The following TBX4 variants were observed in gnomAD, a reference collection of about 807,000 sequenced individuals.
TBX4 encodes the protein T-box transcription factor 4, also known as T-box transcription factor TBX4.
Under a neutral mutation model 54.6 loss-of-function variants are expected in TBX4, and 13 were observed. The ratio of observed to expected loss-of-function variants is 0.24; its 90% CI spans 0.15 to 0.38. The LOEUF is 0.38. Ranked by LOEUF, TBX4 falls within the 10% of genes least tolerant of loss-of-function variation. The probability of loss-of-function intolerance (pLI) is 1.00; values close to 1 mark genes in which losing one functional copy is unlikely to be tolerated. For missense variants in TBX4, 631 were observed against 728.5 expected (o/e 0.87, Z 1.54); for synonymous variants, 314 against 306.7 (o/e 1.02, Z -0.25).
intron 5 of TBX4, among the ~76,000 whole-genome samples, chr17:61,468,754 G>C (rs1448405475): frequency 6.6e-6 from 1 of 152,230 alleles, no homozygotes; most frequent in African/African-American, 2.4e-5. Flanking sequence ...GAGTCCCTTT[G>C]CTGGGTTTCC....
chr17:61,456,313 G>A (rs1178961513), intron 1 of TBX4, 175 bp from the exon 2 acceptor site: 2 of 775,404 alleles, frequency 2.6e-6, no homozygotes, highest in Admixed American at 2.1e-5. Flanking sequence ...GGGAGGAGGC[G>A]AGGGACCTGC....
rs541129694 is a variant in TBX4 at position 61,455,522 on chromosome 17, G to C, written c.-3-966G>C. ...TCCCGAGGCCCCAGGACCTGCTTCG[G>C]GCAGGGAGCAGGCACCTGAGTAGGC... On this transcript the variant is annotated intron_variant, in intron 1 of 8. Transcript: ENST00000644296. Among the ~76,000 whole-genome samples the C allele has an allele frequency of 3.9e-5, 6 of 152,358 alleles. No individual in the cohort carries two copies. The South Asian group carries it at 1.0e-3, about 26-fold the overall frequency.
intron 4 of TBX4, among the ~76,000 whole-genome samples, chr17:61,466,183 G>A (rs903265707): frequency 6.6e-5 from 10 of 152,186 alleles, no homozygotes; most frequent in Non-Finnish European, 1.2e-4. Context: ...TTGGTGGATC[G>A]CAAGGGTCTG....
At chr17:61,469,668 C>A (rs139365620) in intron 5 of TBX4, among the ~76,000 whole-genome samples, 1 of 152,186 alleles carries the variant, frequency 6.6e-6, no homozygotes, top group African/African-American at 2.4e-5. Flanking sequence ...CCAGGGCTCT[C>A]GCTGCGGTAT....
chr17:61,482,497 A>C (rs143363362), intron 8 of TBX4, among the ~76,000 whole-genome samples: 96 of 152,380 alleles, frequency 6.3e-4, no homozygotes, highest in Middle Eastern at 3.4e-3. Context: ...CTTCAGACAG[A>C]TGTGGCCTCT....
chr17:61,468,962 G>A (rs2060556135), intron 5 of TBX4, among the ~76,000 whole-genome samples: 1 of 152,166 alleles, frequency 6.6e-6, no homozygotes, highest in Non-Finnish European at 1.5e-5. Context: ...CAAAGGGTAG[G>A]GAGGGTCTCT....
chr17:61,456,388 C>A, intron 1 of TBX4, 100 bp from the exon 2 acceptor site: 4 of 1,495,268 alleles, frequency 2.7e-6, no homozygotes, highest in Non-Finnish European at 3.6e-6. Flanking sequence ...AGGGCTGCCT[C>A]CGCGCCCCGC....
At position 61,457,456 on chromosome 17, in the gene TBX4, C is replaced by T. The variant is rs1445995541; in HGVS notation, c.187-81C>T. 7 of 1,369,104 alleles carry T rather than the reference C, an allele frequency of 5.1e-6. No individual in the cohort carries two copies. Among genetic ancestry groups the T allele is most frequent in the East Asian group, 2.3e-5 (1 of 43,634 alleles). 84.8% of individuals were successfully genotyped at this position (1,369,104 alleles called of 1,614,324 possible). On this transcript the variant is annotated intron_variant, in intron 2 of 8. Coordinates refer to ENST00000644296, the MANE Select transcript of TBX4 (RefSeq NM_001321120.2). This position sits in a 1 kb window ranked among gnomAD's most constrained non-coding sequence, Gnocchi z 8.2. Reference sequence around the variant, plus strand: ...GCGGGCAGGGTTCCGCACAGCTCTTCGGGTCTGGTTCTTCTTTCCTCAGGC... The same window carrying T: ...GCGGGCAGGGTTCCGCACAGCTCTTTGGGTCTGGTTCTTCTTTCCTCAGGC...
intron 2 of TBX4, 144 bp downstream of exon 2, chr17:61,456,820 C>T (rs2060454163): frequency 3.4e-6 from 2 of 581,498 alleles, no homozygotes; most frequent in South Asian, 1.3e-4. Context: ...CGTTCGTTCT[C>T]CACTGGACAT....
In TBX4 at chr17:61,472,558, G is replaced by C. The variant is rs1305672525; in HGVS notation, c.549+4901G>C. Among the ~76,000 whole-genome samples the C allele has an allele frequency of 6.6e-6, 1 of 152,266 alleles. No homozygotes were observed. Among genetic ancestry groups the C allele is most frequent in the African/African-American group, 2.4e-5 (1 of 41,546 alleles). On this transcript the variant is annotated intron_variant, in intron 5 of 8. Transcript: ENST00000644296. This position sits in a 1 kb window ranked among gnomAD's most constrained non-coding sequence, Gnocchi z 4.5. ...ATCTGTGATGAGTTACACATGTCCA[G>C]GTTATCATTTGTCATTTGGTTTTGC... is the stretch of plus-strand genomic sequence containing the variant.
intron 5 of TBX4, among the ~76,000 whole-genome samples, chr17:61,468,455 G>GT (rs1302931939): frequency 6.6e-6 from 1 of 152,200 alleles, no homozygotes; most frequent in Non-Finnish European, 1.5e-5. Context: ...TTCTGGGGAA[G>GT]TGCAGGGCAG....
Position 61,478,471 on chromosome 17 carries a change from T to C in TBX4, c.550-156T>C. 2.0e-6 allele frequency: 2 copies of C among 987,110 alleles called. No homozygotes were observed. The highest frequency in any genetic ancestry group is 3.1e-6 in the Non-Finnish European group (2 of 651,568). The allele number at this position is 987,110 out of a possible 1,614,324, so 61.1% of individuals were successfully genotyped here. A position where few individuals can be genotyped will look rare whatever the true frequency, so the allele number is the denominator to read the frequency against. On this transcript the variant is annotated intron_variant, in intron 5 of 8. Transcript: ENST00000644296. This position sits in a 1 kb window ranked among gnomAD's most constrained non-coding sequence, Gnocchi z 7.4. ...GAGAGTTTGGGGCCCAGGGGCCTGGTTCTTCACTTGGGAGCTCCAGTCCTG... is the reference window on the plus strand; with the variant it reads ...GAGAGTTTGGGGCCCAGGGGCCTGGCTCTTCACTTGGGAGCTCCAGTCCTG...
rs994798492 is a variant in TBX4 at position 61,479,429 on chromosome 17, C to T, written c.703-452C>T. Among the ~76,000 whole-genome samples, 2 of 152,158 alleles carry T rather than the reference C, an allele frequency of 1.3e-5. No homozygotes were observed. The highest frequency in any genetic ancestry group is 1.5e-5 in the Non-Finnish European group (1 of 68,028). ...ATTTTAGGCAGAAGAGTGACAGAGTCGGAACTGCATCTAGAACGGTCACTC... is the reference window on the plus strand; with the variant it reads ...ATTTTAGGCAGAAGAGTGACAGAGTTGGAACTGCATCTAGAACGGTCACTC... On this transcript the variant is annotated intron_variant, in intron 6 of 8. Transcript: ENST00000644296. The surrounding 1 kb of genome is among the most constrained non-coding windows in gnomAD (Gnocchi z 6.1).
At chr17:61,477,089 C>T (rs2060625760) in intron 5 of TBX4, among the ~76,000 whole-genome samples, 1 of 152,212 alleles carries the variant, frequency 6.6e-6, no homozygotes, top group African/African-American at 2.4e-5. Flanking sequence ...GCCCAACGAC[C>T]AACCCAAGGA....
In TBX4 at chr17:61,474,916, G is replaced by A. The variant is rs78452614; in HGVS notation, c.550-3711G>A. Among the ~76,000 whole-genome samples, 3,329 of 152,282 alleles carry A rather than the reference G, an allele frequency of 0.022. 123 individuals carry two copies. The highest frequency in any genetic ancestry group is 0.076 in the African/African-American group (3,153 of 41,524). On this transcript the variant is annotated intron_variant, in intron 5 of 8. Transcript: ENST00000644296. The surrounding 1 kb of genome is among the most constrained non-coding windows in gnomAD (Gnocchi z 4.6). Reference sequence around the variant, plus strand: ...GACTTTCTTCCAGATACCTGTCCAGGTTCTAGACTGTCGGAGTCAGAAGGG... The same window carrying A: ...GACTTTCTTCCAGATACCTGTCCAGATTCTAGACTGTCGGAGTCAGAAGGG...
At chr17:61,463,300 C>T (rs2060511422) in intron 3 of TBX4, 1 of 152,440 alleles carries the variant, frequency 6.6e-6, no homozygotes, top group African/African-American at 2.4e-5. Flanking sequence ...ATCCTACGTC[C>T]CTGTCCCTCG....
chr17:61,471,251 C>A (rs1029009763), intron 5 of TBX4, among the ~76,000 whole-genome samples: 5 of 152,224 alleles, frequency 3.3e-5, no homozygotes, highest in Non-Finnish European at 7.3e-5. Flanking sequence ...TCCTGAGCTG[C>A]GAGATCCAAG....
rs2060640508 is a variant in TBX4, at chr17:61,478,756, G to T, written c.679G>T (p.Val227Leu). The change falls in exon 6 of 9, where the codon GTG becomes TTG. Residue 227 changes from valine (V) to leucine (L), a missense_variant. Around this residue, in one of 3 missense-constraint regions of TBX4, gnomAD observed 154 missense variants for 238.6 expected, o/e 0.65. Coordinates refer to ENST00000644296, the MANE Select transcript of TBX4 (RefSeq NM_001321120.2). This position sits in a 1 kb window ranked among gnomAD's most constrained non-coding sequence, Gnocchi z 7.4. The part of the protein sequence containing the change: ...HVFPETSFIS[V>L]TSYQNHKITQ... ...GTTCCCAGAGACCTCCTTCATCTCT[G>T]TGACCTCCTACCAGAATCACAAGGT... 6.2e-7 allele frequency: 1 copy of T among 1,613,998 alleles called. No individual in the cohort carries two copies. The highest frequency in any genetic ancestry group is 1.3e-5 in the African/African-American group (1 of 74,890).
In TBX4 at chr17:61,478,308, A is replaced by C; in HGVS notation, c.550-319A>C. 1 of 418,222 alleles carries C rather than the reference A, an allele frequency of 2.4e-6. No individual in the cohort carries two copies. The highest frequency in any genetic ancestry group is 2.2e-5 in the South Asian group (1 of 46,384). The allele number at this position is 418,222 out of a possible 1,614,324, so 25.9% of individuals were successfully genotyped here. A position where few individuals can be genotyped will look rare whatever the true frequency, so the allele number is the denominator to read the frequency against. ...CAATTCCACCTGCTACACTGTGCTG[A>C]GTTCACAGTGGGCTTTGACAGTGTT... On this transcript the variant is annotated intron_variant, in intron 5 of 8. Coordinates refer to ENST00000644296, the MANE Select transcript of TBX4 (RefSeq NM_001321120.2). The surrounding 1 kb of genome is among the most constrained non-coding windows in gnomAD (Gnocchi z 7.4).
Sources: gnomAD v4.1 joint callset for allele counts (sites outside exome capture counted in the v4.1 genomes callset) on GRCh38, gnomAD v4.1.1 for gene constraint, gnomAD v4.1.1 regional missense constraint, Gnocchi (gnomAD v3.1) non-coding constraint, MANE v1.5 for transcripts, NCBI Gene and HGNC (gene_info 2026-07-23, HGNC 2026-07-21) for gene names.